The following LUZP2 variants were observed in gnomAD, a reference collection of about 807,000 sequenced individuals.
LUZP2 encodes the protein leucine zipper protein 2.
Under a neutral mutation model 51.6 loss-of-function variants are expected in LUZP2, and 52 were observed. That is an observed-to-expected ratio of 1.01 (90% confidence interval 0.81 to 1.27). LUZP2 has a LOEUF of 1.27. Among genes scored for constraint, LUZP2 ranks in the 50% most tolerant of loss-of-function variants. LUZP2 has a pLI of 0.00. For synonymous variants in LUZP2, 154 were observed against 137.3 expected, an observed-to-expected ratio of 1.12 and a Z score of -0.85; for missense variants, 436 against 395.4, an observed-to-expected ratio of 1.10 and a Z score of -0.87.
At chr11:24,966,805 C>A (rs1405025967) in intron 7 of LUZP2, among the ~76,000 whole-genome samples, 1 of 143,226 alleles carries the variant, frequency 7.0e-6, no homozygotes, top group East Asian at 2.0e-4. Flanking sequence ...GTTGATATAT[C>A]CATTATATAA....
chr11:24,901,623 T>C (rs1016235205), intron 5 of LUZP2, among the ~76,000 whole-genome samples: 1 of 152,164 alleles, frequency 6.6e-6, no homozygotes, highest in Admixed American at 6.5e-5. Flanking sequence ...GGTCTTGTCT[T>C]AGACTTGCCT....
intron 5 of LUZP2, among the ~76,000 whole-genome samples, chr11:24,868,692 T>G (rs1282633100): frequency 1.3e-5 from 2 of 152,168 alleles, no homozygotes; most frequent in Non-Finnish European, 2.9e-5. Context: ...TTGGGCCACA[T>G]GTAGCAATTT....
chr11:24,899,726 G>A, intron 5 of LUZP2, among the ~76,000 whole-genome samples: 1 of 151,942 alleles, frequency 6.6e-6, no homozygotes, highest in African/African-American at 2.4e-5. Context: ...ATGTTAAAAG[G>A]GGCAATCCTT....
At chr11:24,500,570 G>C (rs1258203193) in intron 1 of LUZP2, among the ~76,000 whole-genome samples, 1 of 152,128 alleles carries the variant, frequency 6.6e-6, no homozygotes, top group Admixed American at 6.6e-5. Flanking sequence ...AGAAGTTCTT[G>C]GTGAAAAGGG....
rs545938248 is a variant in LUZP2 at position 24,968,721 on chromosome 11, G to A, written c.523-7870G>A. On this transcript the variant is annotated intron_variant, in intron 7 of 11. Transcript: ENST00000336930. ...TCATATTTCTCTGATGCCCTGTCCC[G>A]CATATTGTAGCCATTTAATCTGTTC... Among the ~76,000 whole-genome samples, 201 of 152,238 alleles carry A rather than the reference G, an allele frequency of 1.3e-3. 2 individuals carry two copies. The highest frequency in any genetic ancestry group is 4.1e-3 in the African/African-American group (169 of 41,552).
intron 7 of LUZP2, among the ~76,000 whole-genome samples, chr11:24,971,141 A>G (rs1273862229): frequency 1.3e-5 from 2 of 152,118 alleles, no homozygotes; most frequent in African/African-American, 2.4e-5. Context: ...ACTGTTGTCT[A>G]CTAGAGCAAT....
At chr11:25,065,323 C>A (rs1176887898) in intron 10 of LUZP2, among the ~76,000 whole-genome samples, 1 of 151,928 alleles carries the variant, frequency 6.6e-6, no homozygotes, top group Admixed American at 6.6e-5. Flanking sequence ...GTCATAATTG[C>A]CTATAACATT....
chr11:24,968,180 T>C (rs11028308), intron 7 of LUZP2, among the ~76,000 whole-genome samples: 2,373 of 152,194 alleles, frequency 0.016, 29 homozygotes, highest in Non-Finnish European at 0.026. Flanking sequence ...TGATTTAGAT[T>C]TTTTTAAGGT....
intron 5 of LUZP2, among the ~76,000 whole-genome samples, chr11:24,804,479 A>G (rs1350524759): frequency 6.6e-6 from 1 of 152,150 alleles, no homozygotes; most frequent in African/African-American, 2.4e-5. Flanking sequence ...CAAAGAACCA[A>G]AGAAAAAGAG....
At chr11:24,863,262 G>A (rs1851792038) in intron 5 of LUZP2, among the ~76,000 whole-genome samples, 1 of 152,018 alleles carries the variant, frequency 6.6e-6, no homozygotes, top group South Asian at 2.1e-4. Context: ...GAATATTCAT[G>A]GTGGCATTTT....
At position 25,050,114 on chromosome 11, in the gene LUZP2, C is replaced by T. The variant is rs146495649; in HGVS notation, c.842C>T (p.Ala281Val). The change falls in exon 10 of 12, where the codon GCC (alanine) becomes GTC (valine). Residue 281 changes from alanine (A) to valine (V), a missense_variant. Transcript: ENST00000336930. ...AAGGAAGGAAATCCAAGTACCACTG[C>T]CTGTGACTCTCAAGATGTAAGAAAA... is the stretch of plus-strand genomic sequence containing the variant. The part of the protein sequence containing the change: ...STKEGNPSTT[A>V]CDSQDEGRPC... The T allele has an allele frequency of 6.0e-4, 963 of 1,596,596 alleles. 6 individuals carry two copies. The African/African-American group carries it at 0.012, about 20-fold the overall frequency.
intron 1 of LUZP2, among the ~76,000 whole-genome samples, chr11:24,520,837 G>A (rs1265023671): frequency 2.6e-5 from 4 of 152,184 alleles, no homozygotes; most frequent in African/African-American, 9.7e-5. Context: ...ATTGCATGGG[G>A]AATAGCAAAG....
intron 9 of LUZP2, among the ~76,000 whole-genome samples, chr11:25,014,853 A>G (rs1413525016): frequency 6.9e-6 from 1 of 145,848 alleles, no homozygotes. Flanking sequence ...GGTATTGCCT[A>G]GATTTTCTTC....
chr11:25,055,900 A>G (rs538516788), intron 10 of LUZP2, among the ~76,000 whole-genome samples: 1 of 152,274 alleles, frequency 6.6e-6, no homozygotes, highest in Admixed American at 6.5e-5. Context: ...AATATAACTC[A>G]TCCAAAGGAT....
chr11:24,648,513 T>C (rs1469698939), intron 1 of LUZP2, among the ~76,000 whole-genome samples: 1 of 151,966 alleles, frequency 6.6e-6, no homozygotes, highest in East Asian at 1.9e-4. Flanking sequence ...GTGAAACTGA[T>C]ACATGAGCTA....
At chr11:24,680,882 C>T (rs1221992046) in intron 1 of LUZP2, among the ~76,000 whole-genome samples, 2 of 152,144 alleles carry the variant, frequency 1.3e-5, no homozygotes, top group African/African-American at 4.8e-5. Context: ...AAAAATGCTT[C>T]TCAAACTTTG....
chr11:24,843,804 A>G (rs1439495729), intron 5 of LUZP2, among the ~76,000 whole-genome samples: 2 of 152,000 alleles, frequency 1.3e-5, no homozygotes, highest in African/African-American at 4.8e-5. Flanking sequence ...ATGAGTCTCA[A>G]GAGACTTGAT....
At chr11:24,707,980 G>A (rs111995018) in intron 1 of LUZP2, among the ~76,000 whole-genome samples, 85 of 152,120 alleles carry the variant, frequency 5.6e-4, no homozygotes, top group African/African-American at 2.0e-3. Flanking sequence ...GACCACACAG[G>A]CTAAACTAAT....
intron 1 of LUZP2, 68 bp from the exon 2 acceptor site, chr11:24,729,101 T>G: frequency 1.6e-6 from 1 of 642,564 alleles, no homozygotes; most frequent in Non-Finnish European, 2.5e-6. Flanking sequence ...ACTGTGAGTG[T>G]TAGTGATTAT....
Sources: allele counts gnomAD v4.1 joint callset (sites outside exome capture counted in the v4.1 genomes callset), GRCh38; gene constraint gnomAD v4.1.1; transcripts MANE v1.5; gene names NCBI Gene and HGNC (gene_info 2026-07-23, HGNC 2026-07-21).